The following RANBP17 variants were observed in gnomAD, a reference collection of about 807,000 sequenced individuals.
RANBP17 encodes the protein RAN binding protein 17.
In RANBP17, 158 loss-of-function variants were observed where a neutral mutation model predicts 141.2. That is an observed-to-expected ratio of 1.12 (90% CI 0.98 to 1.28). RANBP17 has a LOEUF of 1.28. Ranked by LOEUF, RANBP17 falls within the 50% of genes most tolerant of loss-of-function variation. RANBP17 has a pLI of 0.00. For missense variants in RANBP17, 1,438 were observed against 1,290.7 expected (o/e 1.11, Z -1.75); for synonymous variants, 430 against 450.0 (o/e 0.96, Z 0.56).
chr5:171,191,612 C>T (rs996044553), intron 18 of RANBP17, among the ~76,000 whole-genome samples: 2 of 151,780 alleles, frequency 1.3e-5, no homozygotes, highest in Non-Finnish European at 2.9e-5. Flanking sequence ...GCGTGAACCC[C>T]GGAGGCGGAG....
intron 12 of RANBP17, among the ~76,000 whole-genome samples, chr5:170,928,328 A>G (rs1365208966): frequency 6.6e-6 from 1 of 152,076 alleles, no homozygotes; most frequent in Admixed American, 6.6e-5. Context: ...ACTATTTTTC[A>G]AAGGTGAAAA....
At chr5:170,990,158 A>T (rs532756092) in intron 14 of RANBP17, among the ~76,000 whole-genome samples, 2 of 151,862 alleles carry the variant, frequency 1.3e-5, no homozygotes, top group Admixed American at 6.6e-5. Context: ...ATAAAAATTT[A>T]AAAATATGGT....
At chr5:171,156,049 A>G (rs964772682) in intron 14 of RANBP17, among the ~76,000 whole-genome samples, 7 of 152,124 alleles carry the variant, frequency 4.6e-5, no homozygotes, top group African/African-American at 1.4e-4. Flanking sequence ...AAAATAGCTT[A>G]CTTTCATTAA....
chr5:170,952,896 A>G (rs570443191), intron 12 of RANBP17, among the ~76,000 whole-genome samples: 57 of 152,178 alleles, frequency 3.7e-4, no homozygotes, highest in Admixed American at 2.6e-3. Context: ...AAATACCTCC[A>G]TTTCTAAATT....
intron 4 of RANBP17, among the ~76,000 whole-genome samples, chr5:170,894,596 A>G (rs1368011904): frequency 1.3e-5 from 2 of 151,032 alleles, no homozygotes; most frequent in Non-Finnish European, 2.9e-5. Context: ...TCCTTTGAGT[A>G]TTAGCAGCTT....
chr5:170,927,588 T>A (rs910244619), intron 12 of RANBP17, among the ~76,000 whole-genome samples: 6 of 152,102 alleles, frequency 3.9e-5, no homozygotes, highest in Admixed American at 2.0e-4. Context: ...TTCTCCTTGA[T>A]TTTTAAGAGC....
chr5:171,047,693 C>T (rs1782687160), intron 14 of RANBP17, among the ~76,000 whole-genome samples: 1 of 152,138 alleles, frequency 6.6e-6, no homozygotes, highest in Non-Finnish European at 1.5e-5. Context: ...CTGCCTCAGC[C>T]TCCCAAGTCT....
At chr5:171,049,352 T>C (rs1261853580) in intron 14 of RANBP17, among the ~76,000 whole-genome samples, 2 of 152,194 alleles carry the variant, frequency 1.3e-5, no homozygotes, top group African/African-American at 4.8e-5. Context: ...AAGTTCCTTA[T>C]AGATGCTGGA....
rs574161478 is a variant in RANBP17 at position 170,933,954 on chromosome 5, A to G, written c.1468+9404A>G. The stretch of plus-strand genomic sequence containing the variant: ...TCTGCTTGGTGCAGAGCTGAGTTCA[A>G]TTCCTGGATATCCTTGTTAACTTTC... On this transcript the variant is annotated intron_variant, in intron 12 of 27. Coordinates refer to ENST00000523189, the MANE Select transcript of RANBP17 (RefSeq NM_022897.5). Among the ~76,000 whole-genome samples, 63 of 152,196 alleles carry G rather than the reference A, an allele frequency of 4.1e-4. 1 individual carries two copies. In the South Asian group the frequency reaches 0.013, roughly 31 times the overall value.
chr5:170,890,788 T>C (rs1172655216), intron 3 of RANBP17, among the ~76,000 whole-genome samples: 1 of 152,230 alleles, frequency 6.6e-6, no homozygotes, highest in African/African-American at 2.4e-5. Context: ...AGTTTTGGTG[T>C]ATTAACTTTA....
chr5:170,937,743 CTT>C (rs1432447998), intron 12 of RANBP17, among the ~76,000 whole-genome samples: 1 of 152,134 alleles, frequency 6.6e-6, no homozygotes, highest in Admixed American at 6.5e-5. Flanking sequence ...ACATGACAAT[CTT>C]TTGTCATTTC....
At chr5:171,133,023 C>T (rs1010587917) in intron 14 of RANBP17, among the ~76,000 whole-genome samples, 8 of 151,946 alleles carry the variant, frequency 5.3e-5, no homozygotes, top group African/African-American at 1.9e-4. Context: ...GTAGCTGGGA[C>T]TACAGGGGCC....
chr5:171,118,603 A>T (rs935411252), intron 14 of RANBP17, among the ~76,000 whole-genome samples: 2 of 151,856 alleles, frequency 1.3e-5, no homozygotes, highest in Non-Finnish European at 2.9e-5. Flanking sequence ...CTTGTAGAGG[A>T]TTTTCAACTC....
intron 14 of RANBP17, among the ~76,000 whole-genome samples, chr5:170,990,666 A>G (rs1778441660): frequency 6.6e-6 from 1 of 152,154 alleles, no homozygotes; most frequent in South Asian, 2.1e-4. Context: ...CAGTTTTGAA[A>G]TTGTGCTGTG....
chr5:171,136,593 G>A (rs942435202), intron 14 of RANBP17, among the ~76,000 whole-genome samples: 37 of 152,076 alleles, frequency 2.4e-4, no homozygotes, highest in African/African-American at 8.4e-4. Flanking sequence ...TTCAGACACC[G>A]TGCTATCAGG....
intron 21 of RANBP17, among the ~76,000 whole-genome samples, chr5:171,216,204 A>C (rs1401561996): frequency 6.6e-6 from 1 of 152,080 alleles, no homozygotes; most frequent in East Asian, 1.9e-4. Flanking sequence ...CAAAGATCAG[A>C]TGGTTGTAGA....
chr5:170,891,575 C>T (rs1257899714), intron 3 of RANBP17, among the ~76,000 whole-genome samples: 3 of 152,062 alleles, frequency 2.0e-5, no homozygotes, highest in Admixed American at 6.5e-5. Context: ...GCAGGCTGTA[C>T]GGTTAGCATG....
intron 19 of RANBP17, among the ~76,000 whole-genome samples, chr5:171,204,651 T>G (rs1762471807): frequency 6.6e-6 from 1 of 152,222 alleles, no homozygotes; most frequent in Non-Finnish European, 1.5e-5. Context: ...TTCATGGGTT[T>G]TCTTTTTCTC....
intron 1 of RANBP17, among the ~76,000 whole-genome samples, chr5:170,874,734 A>G (rs1768035695): frequency 6.6e-6 from 1 of 151,236 alleles, no homozygotes; most frequent in Non-Finnish European, 1.5e-5. Context: ...TGCATGTGAG[A>G]TGGGTCTCTT....
Sources: allele counts gnomAD v4.1 joint callset (sites outside exome capture counted in the v4.1 genomes callset), GRCh38; gene constraint gnomAD v4.1.1; transcripts MANE v1.5; gene names NCBI Gene and HGNC (gene_info 2026-07-23, HGNC 2026-07-21).